Variants in B3GALNT2 observed in about 807,000 individuals in gnomAD.
B3GALNT2 encodes beta-1,3-N-acetylgalactosaminyltransferase 2, also known as UDP-GalNAc:beta-1,3-N-acetylgalactosaminyltransferase 2.
In B3GALNT2, 53 loss-of-function variants were observed where a neutral mutation model predicts 61.1. That is an observed-to-expected ratio of 0.87 (90% CI 0.70 to 1.09). The LOEUF (loss-of-function observed/expected upper bound fraction) is 1.09, where lower values mean the gene tolerates loss of function less well. B3GALNT2 is among the 50% of genes least tolerant of loss of function. B3GALNT2 has a pLI of 0.00. For synonymous variants in B3GALNT2, 223 were observed against 237.4 expected, an observed-to-expected ratio of 0.94 and a Z score of 0.56; for missense variants, 544 against 623.0, an observed-to-expected ratio of 0.87 and a Z score of 1.35.
chr1:235,499,003 A>C (rs1685463935), intron 1 of B3GALNT2, among the ~76,000 whole-genome samples: 1 of 152,192 alleles, frequency 6.6e-6, no homozygotes, highest in Non-Finnish European at 1.5e-5. Flanking sequence ...CATTCTAAAG[A>C]AATAATCAGT....
intron 3 of B3GALNT2, among the ~76,000 whole-genome samples, chr1:235,487,705 CACAG>C (rs1684867468): frequency 6.6e-6 from 1 of 152,180 alleles, no homozygotes; most frequent in Non-Finnish European, 1.5e-5. Flanking sequence ...TGCTAATAAA[CACAG>C]ACAGTTAAAA....
chr1:235,471,062 C>T (rs563003286), intron 5 of B3GALNT2, 102 bp from the exon 6 acceptor site: 35 of 1,528,064 alleles, frequency 2.3e-5, no homozygotes, highest in Admixed American at 4.2e-5. Flanking sequence ...TTTCCCAAAA[C>T]GTATCATTTA....
intron 6 of B3GALNT2, among the ~76,000 whole-genome samples, chr1:235,466,453 T>C (rs1683702299): frequency 6.6e-6 from 1 of 152,134 alleles, no homozygotes; most frequent in Admixed American, 6.5e-5. Context: ...GCCTTGAACA[T>C]ACAATCTTCC....
intron 4 of B3GALNT2, among the ~76,000 whole-genome samples, chr1:235,484,060 T>C (rs1684681331): frequency 6.6e-6 from 1 of 152,100 alleles, no homozygotes; most frequent in African/African-American, 2.4e-5. Flanking sequence ...TTCCCTAGGT[T>C]TTAGGGAATT....
intron 7 of B3GALNT2, among the ~76,000 whole-genome samples, chr1:235,462,306 T>C (rs1683476773): frequency 6.6e-6 from 1 of 152,170 alleles, no homozygotes; most frequent in Non-Finnish European, 1.5e-5. Flanking sequence ...CATAAATTAA[T>C]ATGTCAGGAA....
chr1:235,479,995 C>A, intron 5 of B3GALNT2, 59 bp downstream of exon 5: 2 of 1,595,922 alleles, frequency 1.3e-6, no homozygotes, highest in East Asian at 2.2e-5. Context: ...CCTGAAAGCA[C>A]ACGCCCACTC....
At chr1:235,472,590 A>C (rs529775903) in intron 5 of B3GALNT2, among the ~76,000 whole-genome samples, 1 of 152,234 alleles carries the variant, frequency 6.6e-6, no homozygotes, top group East Asian at 1.9e-4. Context: ...AACAGGAAGG[A>C]GCTTGCCTGA....
downstream of B3GALNT2, among the ~76,000 whole-genome samples, chr1:235,442,320 G>A (rs1226173500): frequency 6.6e-6 from 1 of 152,108 alleles, no homozygotes; most frequent in Non-Finnish European, 1.5e-5. Flanking sequence ...ACAGGCATGC[G>A]CCACCACACC....
rs1159362853 is a variant in B3GALNT2, at chr1:235,450,116, G to A, written c.*90C>T. On this transcript the variant is annotated 3_prime_UTR_variant, in exon 12 of 12. Coordinates refer to ENST00000366600, the MANE Select transcript of B3GALNT2 (RefSeq NM_152490.5). ...TGGAACTCTCTTGAAAGACCATACA[G>A]TCTACTGCTAAACCCTGGGACTCCT... The A allele has an allele frequency of 3.4e-6, 5 of 1,488,568 alleles. No homozygotes were observed. In the East Asian group the frequency reaches 1.1e-4, roughly 34 times the overall value. The allele number at this position is 1,488,568 out of a possible 1,614,324, so 92.2% of individuals were successfully genotyped here.
chr1:235,470,825 TA>T, intron 6 of B3GALNT2, 24 bp downstream of exon 6: 2 of 1,599,168 alleles, frequency 1.3e-6, no homozygotes, highest in Non-Finnish European at 1.7e-6. Context: ...AATATGCAAT[TA>T]AACCTTAAAA....
intron 1 of B3GALNT2, among the ~76,000 whole-genome samples, chr1:235,500,259 G>A (rs1168243074): frequency 2.0e-5 from 3 of 152,174 alleles, no homozygotes; most frequent in South Asian, 2.1e-4. Context: ...TTGGGAGGCC[G>A]AGGTGAATGA....
chr1:235,450,231 T>C lies in B3GALNT2; in HGVS notation c.1478A>G (p.Asp493Gly), dbSNP rs148963786. ...TTATCTTGCTTGACATCGACAAGGA[T>C]CACCGCACCGTTCCTTCAGTTTCCA... ...ELWKLKERCGDPCRCQAR is the reference protein window; with the variant it reads ...ELWKLKERCGGPCRCQAR The change falls in exon 12 of 12, where the codon GAT becomes GGT. Residue 493 changes from aspartate (D) to glycine (G), a missense_variant. Coordinates refer to ENST00000366600, the MANE Select transcript of B3GALNT2 (RefSeq NM_152490.5). The C allele has an allele frequency of 3.7e-6, 6 of 1,613,976 alleles. No homozygotes were observed. The African/African-American group carries it at 8.0e-5, about 22-fold the overall frequency.
intron 3 of B3GALNT2, among the ~76,000 whole-genome samples, chr1:235,485,189 A>C (rs576675682): frequency 6.6e-6 from 1 of 152,224 alleles, no homozygotes; most frequent in Non-Finnish European, 1.5e-5. Context: ...CCCAAAATTA[A>C]GCAATTCACC....
chr1:235,450,092 G>T lies in B3GALNT2; in HGVS notation c.*114C>A. On this transcript the variant is annotated 3_prime_UTR_variant, in exon 12 of 12. Transcript: ENST00000366600. ...TGGTTCTGGGTGAAAGTGCCAGTCT[G>T]GAACTCTCTTGAAAGACCATACAGT... is the stretch of plus-strand genomic sequence containing the variant. The T allele has an allele frequency of 7.6e-7, 1 of 1,312,710 alleles. No individual in the cohort carries two copies. Among genetic ancestry groups the T allele is most frequent in the Non-Finnish European group, 1.1e-6 (1 of 940,872 alleles). 81.3% of individuals were successfully genotyped at this position (1,312,710 alleles called of 1,614,324 possible). A position where few individuals can be genotyped will look rare whatever the true frequency, so the allele number is the denominator to read the frequency against.
intron 1 of B3GALNT2, among the ~76,000 whole-genome samples, chr1:235,501,342 C>T (rs291345): frequency 0.45 from 68,831 of 151,944 alleles, 16,225 homozygotes; most frequent in Non-Finnish European, 0.5. Flanking sequence ...AAGTTGCTGA[C>T]TCTGGTACTA....
At chr1:235,465,492 A>T in intron 7 of B3GALNT2, 144 bp downstream of exon 7, 2 of 1,278,870 alleles carry the variant, frequency 1.6e-6, no homozygotes, top group Non-Finnish European at 2.1e-6. Context: ...AATACACTAA[A>T]ACCACTGAAC....
At position 235,455,564 on chromosome 1, in the gene B3GALNT2, C is replaced by G. The variant is rs1409328406; in HGVS notation, c.1146G>C (p.Trp382Cys). 1.6e-5 allele frequency: 25 copies of G among 1,612,592 alleles called. No individual in the cohort carries two copies. Among genetic ancestry groups the G allele is most frequent in the Non-Finnish European group, 2.1e-5 (25 of 1,178,770 alleles). Reference protein sequence around the residue: ...QKNLDGPNFWWGNFRLNWAVD... With the variant: ...QKNLDGPNFWCGNFRLNWAVD... ...GCTAAGAATGGTTAACTTACTTTCCCCACCAAAAATTAGGCCCATCCAGAT... is the reference window on the plus strand; with the variant it reads ...GCTAAGAATGGTTAACTTACTTTCCGCACCAAAAATTAGGCCCATCCAGAT... Residue 382 changes from tryptophan (W) to cysteine (C), a missense_variant, in exon 9 of 12, where the codon TGG (tryptophan) becomes TGC (cysteine). Trp to Cys is a radical substitution (Grantham distance 215, BLOSUM62 -2). Transcript: ENST00000366600.
intron 2 of B3GALNT2, among the ~76,000 whole-genome samples, chr1:235,489,757 A>G (rs1684977795): frequency 6.6e-6 from 1 of 152,162 alleles, no homozygotes; most frequent in African/African-American, 2.4e-5. Context: ...TACAAACATG[A>G]TAAAGTCCTG....
intron 10 of B3GALNT2, among the ~76,000 whole-genome samples, chr1:235,453,751 G>C (rs1202694028): frequency 1.3e-5 from 2 of 152,118 alleles, no homozygotes; most frequent in African/African-American, 4.8e-5. Flanking sequence ...CCAGCCTCCA[G>C]GGATGACACC....
Sources: gnomAD v4.1 joint callset for allele counts (sites outside exome capture counted in the v4.1 genomes callset) on GRCh38, gnomAD v4.1.1 for gene constraint, MANE v1.5 for transcripts, NCBI Gene and HGNC (gene_info 2026-07-23, HGNC 2026-07-21) for gene names.